Variants in MAP3K10 observed in about 807,000 individuals in gnomAD.
The protein encoded by MAP3K10 is MKN28 derived nonreceptor_type serine/threonine kinase.
A neutral mutation model predicts 75.0 loss-of-function variants in MAP3K10; 22 were observed. That is an observed-to-expected ratio of 0.29 (90% CI 0.21 to 0.42). The LOEUF is 0.42. Ranked by LOEUF, MAP3K10 falls within the 10% of genes least tolerant of loss-of-function variation. The pLI, the probability that MAP3K10 is intolerant of heterozygous loss-of-function variation, is 1.00. For missense variants in MAP3K10, 1,165 were observed against 1,379.8 expected (o/e 0.84, Z 2.47); for synonymous variants, 599 against 612.9 (o/e 0.98, Z 0.34).
In MAP3K10 at chr19:40,213,713, C is replaced by T. The variant is rs1423240807; in HGVS notation, c.2034C>T (p.Cys678=). The change falls in exon 9 of 10, where the codon TGC becomes TGT. Residue 678 remains cysteine, a synonymous_variant. Coordinates refer to ENST00000253055, the MANE Select transcript of MAP3K10 (RefSeq NM_002446.4). The surrounding 1 kb of genome is among the most constrained non-coding windows in gnomAD (Gnocchi z 5.7). The part of the protein sequence containing the change: ...RRRCDLALLG[C]ATLLGAVGLG... ...GCTGCGACCTGGCGCTGCTAGGCTG[C>T]GCCACGCTGCTGGGGGCTGTGGGCC... 1.9e-6 allele frequency: 2 copies of T among 1,075,780 alleles called. No homozygotes were observed. The highest frequency in any genetic ancestry group is 3.9e-5 in the South Asian group (1 of 25,676). The allele number at this position is 1,075,780 out of a possible 1,614,324, so 66.6% of individuals were successfully genotyped here. A position where few individuals can be genotyped will look rare whatever the true frequency, so the allele number is the denominator to read the frequency against.
At chr19:40,199,859 A>T (rs1053314196) in intron 2 of MAP3K10, among the ~76,000 whole-genome samples, 1 of 152,064 alleles carries the variant, frequency 6.6e-6, no homozygotes, top group African/African-American at 2.4e-5. Flanking sequence ...AAAGGAAGTA[A>T]ATAAAAACTC....
At position 40,215,018 on chromosome 19, in the gene MAP3K10, TGTTCCCAGCCCGCCGCCGGCCCCCTGA is replaced by T; in HGVS notation, c.2600_2626del (p.Ala867_Pro875del). 7.8e-7 allele frequency: 1 copy of T among 1,287,432 alleles called. No individual in the cohort carries two copies. The highest frequency in any genetic ancestry group is 1.0e-6 in the Non-Finnish European group (1 of 962,896). The allele number at this position is 1,287,432 out of a possible 1,614,324, so 79.8% of individuals were successfully genotyped here. On this transcript the variant is annotated inframe_deletion, in exon 10 of 10. Coordinates refer to ENST00000253055, the MANE Select transcript of MAP3K10 (RefSeq NM_002446.4). ...CCCCGCCTGCCCGACCCCCAGGCCC[TGTTCCCAGCCCGCCGCCGGCCCCCTGA>T]GTTCCCAGGCCGCCCCACCACCCTG... is the stretch of plus-strand genomic sequence containing the variant.
chr19:40,207,202 G>A (rs1232487388), intron 5 of MAP3K10, among the ~76,000 whole-genome samples: 1 of 152,006 alleles, frequency 6.6e-6, no homozygotes, highest in Non-Finnish European at 1.5e-5. Context: ...TGGATCTCAA[G>A]ACTTAATCAG....
intron 5 of MAP3K10, 116 bp downstream of exon 5, chr19:40,206,273 A>G (rs939336190): frequency 4.8e-5 from 61 of 1,283,828 alleles, no homozygotes; most frequent in Non-Finnish European, 6.2e-5. Context: ...TATATCGCAC[A>G]TAGTCAGTGA....
intron 5 of MAP3K10, among the ~76,000 whole-genome samples, chr19:40,208,163 TTTTTTGTTTTTG>T: frequency 6.6e-6 from 1 of 151,890 alleles, no homozygotes; most frequent in East Asian, 1.9e-4. Flanking sequence ...TGTTGTTTGT[TTTTTTGTTTTTG>T]TTTTTGTTTT....
chr19:40,208,485 C>T lies in MAP3K10; in HGVS notation c.1436-618C>T, dbSNP rs529928429. ...TGCTGGGATTACAGACATGAGCCACCGCGCCCAGCCCCCATACCTGTTTTT... is the reference window on the plus strand; with the variant it reads ...TGCTGGGATTACAGACATGAGCCACTGCGCCCAGCCCCCATACCTGTTTTT... On this transcript the variant is annotated intron_variant, in intron 5 of 9. Coordinates refer to ENST00000253055, the MANE Select transcript of MAP3K10 (RefSeq NM_002446.4). Among the ~76,000 whole-genome samples the T allele has an allele frequency of 2.0e-4, 30 of 149,508 alleles. No individual in the cohort carries two copies. In the South Asian group the frequency reaches 4.2e-3, roughly 21 times the overall value.
chr19:40,192,072 C>A lies in MAP3K10; in HGVS notation c.41C>A (p.Thr14Lys). Residue 14 changes from threonine to lysine, a missense_variant, in exon 1 of 10, where the codon ACG becomes AAG. Coordinates refer to ENST00000253055, the MANE Select transcript of MAP3K10 (RefSeq NM_002446.4). The surrounding 1 kb of genome is among the most constrained non-coding windows in gnomAD (Gnocchi z 7.1). The stretch of plus-strand genomic sequence containing the variant: ...GGGGCGGTGGCCAAGGAGTGGGGCA[C>A]GACCCCCGCGGGGCCCGTCTGGACC... Reference protein sequence around the residue: ...EEGAVAKEWGTTPAGPVWTAV... With the variant: ...EEGAVAKEWGKTPAGPVWTAV... 1 of 1,490,108 alleles carries A rather than the reference C, an allele frequency of 6.7e-7. No individual in the cohort carries two copies. The highest frequency in any genetic ancestry group is 8.9e-7 in the Non-Finnish European group (1 of 1,122,128). 92.3% of individuals were successfully genotyped at this position (1,490,108 alleles called of 1,614,324 possible). A position where few individuals can be genotyped will look rare whatever the true frequency, so the allele number is the denominator to read the frequency against.
At chr19:40,202,133 T>C (rs1973037224) in intron 2 of MAP3K10, among the ~76,000 whole-genome samples, 1 of 152,132 alleles carries the variant, frequency 6.6e-6, no homozygotes, top group Non-Finnish European at 1.5e-5. Context: ...CTCCGCCTCC[T>C]GGGTTCACGC....
intron 2 of MAP3K10, among the ~76,000 whole-genome samples, chr19:40,199,576 C>T (rs1972978788): frequency 6.6e-6 from 1 of 152,152 alleles, no homozygotes; most frequent in Admixed American, 6.6e-5. Flanking sequence ...GTGGCTGCCA[C>T]TGTGCAGGCA....
Position 40,204,650 on chromosome 19 carries a change from T to G in MAP3K10, c.1012+17T>G, listed in dbSNP as rs755974188. 7.5e-6 allele frequency: 12 copies of G among 1,608,774 alleles called. No individual in the cohort carries two copies. In the African/African-American group the frequency reaches 1.6e-4, roughly 22 times the overall value. On this transcript the variant is annotated intron_variant, in intron 3 of 9. Transcript: ENST00000253055. This position sits in a 1 kb window ranked among gnomAD's most constrained non-coding sequence, Gnocchi z 4.3. Reference sequence around the variant, plus strand: ...TCCTGGAGGGTGAGCCGGGGCCCCGTGACGAGGGTAGGCTCAGCTTGGAGT... The same window carrying G: ...TCCTGGAGGGTGAGCCGGGGCCCCGGGACGAGGGTAGGCTCAGCTTGGAGT...
chr19:40,213,835 G>C lies in MAP3K10; in HGVS notation c.2156G>C (p.Arg719Pro). The change falls in exon 9 of 10, where the codon CGG becomes CCG. Residue 719 changes from arginine to proline, a missense_variant. This residue lies in a region of MAP3K10 where 590 missense variants were observed against 586.6 expected (regional missense o/e 1.01). Coordinates refer to ENST00000253055, the MANE Select transcript of MAP3K10 (RefSeq NM_002446.4). The surrounding 1 kb of genome is among the most constrained non-coding windows in gnomAD (Gnocchi z 5.7). ...LFFPRAGRFP[R>P]GLSPPARPHG... ...TTTCCCCGCGCCGGCCGCTTCCCGCGGGGCCTCAGCCCACCCGCGCGTCCC... is the reference window on the plus strand; with the variant it reads ...TTTCCCCGCGCCGGCCGCTTCCCGCCGGGCCTCAGCCCACCCGCGCGTCCC... The C allele has an allele frequency of 7.5e-7, 1 of 1,335,356 alleles. No individual in the cohort carries two copies. The highest frequency in any genetic ancestry group is 9.6e-7 in the Non-Finnish European group (1 of 1,043,860). The allele number at this position is 1,335,356 out of a possible 1,614,324, so 82.7% of individuals were successfully genotyped here.
Position 40,204,545 on chromosome 19 carries a change from C to T in MAP3K10, c.924C>T (p.Ala308=), listed in dbSNP as rs2145083935. The change falls in exon 3 of 10, where the codon GCC becomes GCT. Residue 308 remains alanine (A), a synonymous_variant. Coordinates refer to ENST00000253055, the MANE Select transcript of MAP3K10 (RefSeq NM_002446.4). This position sits in a 1 kb window ranked among gnomAD's most constrained non-coding sequence, Gnocchi z 4.3. ...AGGTCCCCTACCGTGAGATCGACGC[C>T]TTGGCCGTGGCGTATGGCGTGGCTA... ...TGEVPYREID[A]LAVAYGVAMN... 3 of 1,614,040 alleles carry T rather than the reference C, an allele frequency of 1.9e-6. No homozygotes were observed. The East Asian group carries it at 6.7e-5, about 36-fold the overall frequency.
rs1332003390 is a variant in MAP3K10 at position 40,213,770 on chromosome 19, C to G, written c.2091C>G (p.Ala697=). The G allele has an allele frequency of 5.2e-6, 6 of 1,164,194 alleles. No individual in the cohort carries two copies. Among genetic ancestry groups the G allele is most frequent in the African/African-American group, 1.7e-5 (1 of 59,724 alleles). The allele number at this position is 1,164,194 out of a possible 1,614,324, so 72.1% of individuals were successfully genotyped here. ...CCGACGTGGCCGAGGCGCGCGCGGCCGACGGTGAGGAGCAGCGGCGCTGGC... is the reference window on the plus strand; with the variant it reads ...CCGACGTGGCCGAGGCGCGCGCGGCGGACGGTGAGGAGCAGCGGCGCTGGC... The part of the protein sequence containing the change: ...LGADVAEARA[A]DGEEQRRWLD... The change falls in exon 9 of 10, where the codon GCC becomes GCG. Residue 697 remains alanine, a synonymous_variant. Coordinates refer to ENST00000253055, the MANE Select transcript of MAP3K10 (RefSeq NM_002446.4). The surrounding 1 kb of genome is among the most constrained non-coding windows in gnomAD (Gnocchi z 5.7).
rs1973106465 is a variant in MAP3K10, at chr19:40,205,649, C to T, written c.1189-262C>T. 1.9e-6 allele frequency: 1 copy of T among 517,374 alleles called. No individual in the cohort carries two copies. Among genetic ancestry groups the T allele is most frequent in the Non-Finnish European group, 3.4e-6 (1 of 295,540 alleles). 32.0% of individuals were successfully genotyped at this position (517,374 alleles called of 1,614,324 possible). ...GTACAGGGGGGTGCACTGTTCTCTGCTTTTGTGGATGTTTGAAGTTTTCTA... is the reference window on the plus strand; with the variant it reads ...GTACAGGGGGGTGCACTGTTCTCTGTTTTTGTGGATGTTTGAAGTTTTCTA... On this transcript the variant is annotated intron_variant, in intron 4 of 9. Coordinates refer to ENST00000253055, the MANE Select transcript of MAP3K10 (RefSeq NM_002446.4). The surrounding 1 kb of genome is among the most constrained non-coding windows in gnomAD (Gnocchi z 4.3).
At chr19:40,208,589 G>A (rs2145091223) in intron 5 of MAP3K10, among the ~76,000 whole-genome samples, 1 of 151,160 alleles carries the variant, frequency 6.6e-6, no homozygotes, top group South Asian at 2.1e-4. Flanking sequence ...TGTAATCCCA[G>A]CACTTTGGGA....
Position 40,205,443 on chromosome 19 carries a change from C to A in MAP3K10, c.1188+147C>A, listed in dbSNP as rs1298639502. ...TTTTTTGCATATTAAGAAAAGACAG[C>A]CTCCTGTTGGTGGATTAATAAGAAA... On this transcript the variant is annotated intron_variant, in intron 4 of 9. Coordinates refer to ENST00000253055, the MANE Select transcript of MAP3K10 (RefSeq NM_002446.4). The surrounding 1 kb of genome is among the most constrained non-coding windows in gnomAD (Gnocchi z 4.3). 9 of 773,814 alleles carry A rather than the reference C, an allele frequency of 1.2e-5. No individual in the cohort carries two copies. Among genetic ancestry groups the A allele is most frequent in the Middle Eastern group, 3.3e-4 (1 of 3,020 alleles). The allele number at this position is 773,814 out of a possible 1,614,324, so 47.9% of individuals were successfully genotyped here.
chr19:40,193,806 A>C (rs1284548904), intron 1 of MAP3K10, among the ~76,000 whole-genome samples: 6 of 152,342 alleles, frequency 3.9e-5, no homozygotes, highest in African/African-American at 1.4e-4. Context: ...AAGCAAAGGC[A>C]TCAGCAGTGG....
At position 40,214,002 on chromosome 19, in the gene MAP3K10, T is replaced by TGCCCCCCCCCCCCCCCCCCCCCCCCC; in HGVS notation, c.2323_2324insGCCCCCCCCCCCCCCCCCCCCCCCCC (p.Ser775CysfsTer56). 12 of 1,493,656 alleles carry TGCCCCCCCCCCCCCCCCCCCCCCCCC rather than the reference T, an allele frequency of 8.0e-6. No individual in the cohort carries two copies. The highest frequency in any genetic ancestry group is 2.6e-5 in the East Asian group (1 of 37,786). 92.5% of individuals were successfully genotyped at this position (1,493,656 alleles called of 1,614,324 possible). On this transcript the variant is annotated frameshift_variant, in exon 9 of 10. Coordinates refer to ENST00000253055, the MANE Select transcript of MAP3K10 (RefSeq NM_002446.4). LOFTEE classifies it high-confidence loss of function. The stretch of plus-strand genomic sequence containing the variant: ...TGACGAGGCCGCACCGGCCGCGCCC[T>TGCCCCCCCCCCCCCCCCCCCCCCCCC]CCCCACCACCCTCCCCGCCCGCGCC...
rs953318553 is a variant in MAP3K10 at position 40,197,568 on chromosome 19, C to G, written c.683-807C>G. On this transcript the variant is annotated intron_variant, in intron 1 of 9. Transcript: ENST00000253055. ...CTCGAACTCCTGACCTCAAGTGATC[C>G]GCCTGCCTTAGCCTCCCAAAGTGCT... 3.9e-5 allele frequency among the ~76,000 whole-genome samples: 6 copies of G among 151,998 alleles called. No individual in the cohort carries two copies. In the South Asian group the frequency reaches 1.0e-3, roughly 26 times the overall value.
Sources: allele counts gnomAD v4.1 joint callset (sites outside exome capture counted in the v4.1 genomes callset), GRCh38; gene constraint gnomAD v4.1.1; regional missense constraint gnomAD v4.1.1; non-coding constraint Gnocchi (gnomAD v3.1); transcripts MANE v1.5; gene names NCBI Gene and HGNC (gene_info 2026-07-23, HGNC 2026-07-21).